TET2: variants seen among roughly 807,000 people sequenced by gnomAD.
TET2 encodes the protein tet methylcytosine dioxygenase 2.
Under a neutral mutation model 142.9 loss-of-function variants are expected in TET2, and 299 were observed. That is an observed-to-expected ratio of 2.09 (90% CI 1.90 to 2.30). The LOEUF (loss-of-function observed/expected upper bound fraction) is 2.30. Ranked by LOEUF, TET2 falls within the 30% of genes most tolerant of loss-of-function variation. The pLI is 0.00. For missense variants in TET2, 2,418 were observed against 2,378.0 expected (o/e 1.02, Z -0.35); for synonymous variants, 819 against 849.0 (o/e 0.96, Z 0.61).
At chr4:105,148,967 G>T (rs1272166331) in intron 1 of TET2, among the ~76,000 whole-genome samples, 1 of 151,950 alleles carries the variant, frequency 6.6e-6, no homozygotes, top group African/African-American at 2.4e-5. Flanking sequence ...GATACGTGGG[G>T]TTCTTTCACA....
intron 1 of TET2, among the ~76,000 whole-genome samples, chr4:105,183,916 G>A (rs1008093314): frequency 3.3e-5 from 5 of 152,038 alleles, no homozygotes; most frequent in African/African-American, 7.2e-5. Flanking sequence ...AATTTCTAGC[G>A]GGGATCTCTA....
intron 2 of TET2, among the ~76,000 whole-genome samples, chr4:105,206,927 A>G (rs1373979257): frequency 6.6e-6 from 1 of 152,212 alleles, no homozygotes; most frequent in Non-Finnish European, 1.5e-5. Flanking sequence ...AGAAGAGAGA[A>G]TAAATTATCA....
intron 2 of TET2, 97 bp from the exon 3 acceptor site, chr4:105,233,800 C>A (rs1341566156): frequency 6.1e-6 from 4 of 654,764 alleles, no homozygotes; most frequent in Non-Finnish European, 7.3e-6. Context: ...CGATATTTAT[C>A]CACAATTATT....
In TET2 at chr4:105,236,802, TGGCATCTC is replaced by T. The variant is rs1474467610; in HGVS notation, c.2861_2868del (p.Trp954PhefsTer15). On this transcript the variant is annotated frameshift_variant, in exon 3 of 11. Transcript: ENST00000380013. LOFTEE classifies it high-confidence loss of function. ...CACTCAAAAGCATGCTGCTCTAAGG[TGGCATCTC>T]TTACAGAAGCAAGAACAGCAGCAAA... 6.2e-7 allele frequency: 1 copy of T among 1,614,090 alleles called. No individual in the cohort carries two copies. The highest frequency in any genetic ancestry group is 8.5e-7 in the Non-Finnish European group (1 of 1,180,000).
chr4:105,223,680 A>C (rs891386995), intron 2 of TET2, among the ~76,000 whole-genome samples: 2 of 152,188 alleles, frequency 1.3e-5, no homozygotes, highest in Non-Finnish European at 2.9e-5. Flanking sequence ...GATAGGAAGA[A>C]TCCAAAATAG....
At chr4:105,169,990 A>G (rs1052003270) in intron 1 of TET2, among the ~76,000 whole-genome samples, 3 of 149,822 alleles carry the variant, frequency 2.0e-5, no homozygotes, top group Non-Finnish European at 3.0e-5. Flanking sequence ...ATGGCCTTCT[A>G]GTATAAAGTC....
intron 6 of TET2, among the ~76,000 whole-genome samples, chr4:105,251,159 C>T (rs1428594715): frequency 1.3e-5 from 2 of 152,184 alleles, no homozygotes; most frequent in East Asian, 1.9e-4. Context: ...GGATTTGCTG[C>T]ATACAAGATT....
intron 1 of TET2, among the ~76,000 whole-genome samples, chr4:105,187,593 A>C (rs1268791088): frequency 6.6e-6 from 1 of 152,238 alleles, no homozygotes; most frequent in Non-Finnish European, 1.5e-5. Flanking sequence ...TCAGACAACC[A>C]AACTCAAAAG....
chr4:105,232,850 A>G (rs1344973661), intron 2 of TET2, among the ~76,000 whole-genome samples: 2 of 152,134 alleles, frequency 1.3e-5, no homozygotes, highest in Non-Finnish European at 2.9e-5. Flanking sequence ...CATAAAGTAC[A>G]CTTTTCATCA....
At chr4:105,149,754 T>C (rs1723211315) in intron 1 of TET2, among the ~76,000 whole-genome samples, 1 of 152,234 alleles carries the variant, frequency 6.6e-6, no homozygotes, top group Non-Finnish European at 1.5e-5. Flanking sequence ...TGCCAAACTC[T>C]TCTTAAGGCT....
At position 105,236,266 on chromosome 4, in the gene TET2, T is replaced by C; in HGVS notation, c.2324T>C (p.Phe775Ser). 1 of 1,614,104 alleles carries C rather than the reference T, an allele frequency of 6.2e-7. No homozygotes were observed. The highest frequency in any genetic ancestry group is 1.1e-5 in the South Asian group (1 of 91,090). Residue 775 changes from phenylalanine to serine, a missense_variant, in exon 3 of 11, where the codon TTC (phenylalanine) becomes TCC (serine). Physicochemically the swap from Phe to Ser is radical, Grantham distance 155. Transcript: ENST00000380013. Reference protein sequence around the residue: ...SNNDQQREGSFFGQTKVEECF... With the variant: ...SNNDQQREGSSFGQTKVEECF... ...AATGATCAGCAAAGAGAAGGATCAT[T>C]CTTTGGCCAGACTAAAGTGGAAGAA...
At chr4:105,204,967 T>C (rs1207955551) in intron 2 of TET2, among the ~76,000 whole-genome samples, 2 of 152,154 alleles carry the variant, frequency 1.3e-5, no homozygotes, top group African/African-American at 4.8e-5. Context: ...ACTTTTCCTT[T>C]CTTTGCTTAA....
At chr4:105,239,062 GTTTTGTTTTTTGTTTTTTTT>G (rs1006079405) in intron 3 of TET2, 1 of 141,462 alleles carries the variant, frequency 7.1e-6, no homozygotes, top group Non-Finnish European at 1.4e-5. Flanking sequence ...GGAGGTTTTG[GTTTTGTTTTTTGTTTTTTTT>G]TTTTGTTTTT....
rs113581647 is a variant in TET2 at position 105,277,601 on chromosome 4, C to T, written c.*1082C>T. 0.014 allele frequency: 3,308 copies of T among 228,980 alleles called. 39 individuals carry two copies. The highest frequency in any genetic ancestry group is 0.037 in the Middle Eastern group (28 of 760). 14.2% of individuals were successfully genotyped at this position (228,980 alleles called of 1,614,324 possible). A position where few individuals can be genotyped will look rare whatever the true frequency, so the allele number is the denominator to read the frequency against. On this transcript the variant is annotated 3_prime_UTR_variant, in exon 11 of 11. Coordinates refer to ENST00000380013, the MANE Select transcript of TET2 (RefSeq NM_001127208.3). ...TGAGCAATTGTGTCCATTTTTAACACAGCCAGTTAAATCCACCATGGGGCT... is the reference window on the plus strand; with the variant it reads ...TGAGCAATTGTGTCCATTTTTAACATAGCCAGTTAAATCCACCATGGGGCT...
chr4:105,160,587 A>C (rs560659545), intron 1 of TET2, among the ~76,000 whole-genome samples: 3 of 152,242 alleles, frequency 2.0e-5, no homozygotes, highest in Non-Finnish European at 4.4e-5. Flanking sequence ...TTGAAAAGTT[A>C]GCTCATTTGA....
intron 1 of TET2, among the ~76,000 whole-genome samples, chr4:105,161,944 T>A (rs1723881292): frequency 1.3e-5 from 2 of 152,102 alleles, no homozygotes; most frequent in Non-Finnish European, 2.9e-5. Context: ...TGTGTATGTG[T>A]TTTGAACTTT....
At chr4:105,176,485 G>T (rs1724803223) in intron 1 of TET2, among the ~76,000 whole-genome samples, 1 of 152,086 alleles carries the variant, frequency 6.6e-6, no homozygotes, top group African/African-American at 2.4e-5. Flanking sequence ...TCACTTTCCT[G>T]TATACCAGCA....
Position 105,235,061 on chromosome 4 carries a change from A to G in TET2, c.1119A>G (p.Gln373=). ...PGGSSERYLK[Q]NEMNGAYFKQ... ...GCAGCTCTGAACGGTATTTAAAACA[A>G]AATGAAATGAATGGTGCTTACTTCA... The change falls in exon 3 of 11, where the codon CAA becomes CAG. Residue 373 remains glutamine (Q), a synonymous_variant. Coordinates refer to ENST00000380013, the MANE Select transcript of TET2 (RefSeq NM_001127208.3). The G allele has an allele frequency of 1.2e-6, 2 of 1,614,112 alleles. No individual in the cohort carries two copies. The highest frequency in any genetic ancestry group is 1.7e-6 in the Non-Finnish European group (2 of 1,180,012).
intron 2 of TET2, among the ~76,000 whole-genome samples, chr4:105,214,491 T>C (rs1727368372): frequency 7.4e-6 from 1 of 135,506 alleles, no homozygotes; most frequent in Non-Finnish European, 1.5e-5. Context: ...TTTTTTTTTT[T>C]TTTGTAGAGA....
Sources: gnomAD v4.1 joint callset for allele counts (sites outside exome capture counted in the v4.1 genomes callset) on GRCh38, gnomAD v4.1.1 for gene constraint, MANE v1.5 for transcripts, NCBI Gene and HGNC (gene_info 2026-07-23, HGNC 2026-07-21) for gene names.